Variants in CDYL2 observed in about 807,000 individuals in gnomAD.
CDYL2 encodes the protein chromodomain Y-like protein 2.
CDYL2 carries 23 observed loss-of-function variants against 49.4 expected under a neutral mutation model. That is an observed-to-expected ratio of 0.47 (90% confidence interval 0.34 to 0.66). CDYL2 has a LOEUF of 0.66. Among genes scored for constraint, CDYL2 ranks in the 30% least tolerant of loss-of-function variants. CDYL2 has a pLI of 0.01. For missense variants in CDYL2, 678 were observed against 656.4 expected (o/e 1.03, Z -0.36); for synonymous variants, 360 against 268.8 (o/e 1.34, Z -3.32).
At chr16:80,753,271 A>G (rs1906197429) in intron 1 of CDYL2, among the ~76,000 whole-genome samples, 1 of 152,088 alleles carries the variant, frequency 6.6e-6, no homozygotes, top group East Asian at 1.9e-4. Context: ...AAAAAAAAAA[A>G]AAAATTTAAT....
At chr16:80,605,259 A>G in intron 6 of CDYL2, among the ~76,000 whole-genome samples, 1 of 150,490 alleles carries the variant, frequency 6.6e-6, no homozygotes, top group East Asian at 1.9e-4. Flanking sequence ...GTATATACAC[A>G]TATTATGTAT....
intron 1 of CDYL2, among the ~76,000 whole-genome samples, chr16:80,729,892 T>C (rs1733299057): frequency 6.6e-6 from 1 of 152,142 alleles, no homozygotes; most frequent in Non-Finnish European, 1.5e-5. Context: ...AAAGATGTTC[T>C]TTGAAACCAA....
At chr16:80,759,578 G>A (rs958755311) in intron 1 of CDYL2, among the ~76,000 whole-genome samples, 8 of 152,264 alleles carry the variant, frequency 5.3e-5, no homozygotes, top group South Asian at 2.1e-4. Context: ...TGAGTGCATC[G>A]ATCAAATTGT....
intron 1 of CDYL2, among the ~76,000 whole-genome samples, chr16:80,700,807 T>G (rs1904296575): frequency 6.6e-6 from 1 of 152,386 alleles, no homozygotes; most frequent in South Asian, 2.1e-4. Flanking sequence ...GTTCACATCA[T>G]GCTAGCTTTC....
At chr16:80,638,260 G>A (rs1178686651) in intron 2 of CDYL2, among the ~76,000 whole-genome samples, 1 of 152,056 alleles carries the variant, frequency 6.6e-6, no homozygotes, top group Non-Finnish European at 1.5e-5. Flanking sequence ...TTTTCGCAGA[G>A]AACAGGGTCT....
At chr16:80,737,778 G>T (rs1905589083) in intron 1 of CDYL2, among the ~76,000 whole-genome samples, 1 of 152,200 alleles carries the variant, frequency 6.6e-6, no homozygotes. Flanking sequence ...CCCCAGGTCT[G>T]GGAACCACAC....
chr16:80,798,008 T>A lies in CDYL2; in HGVS notation c.24+6142A>T, dbSNP rs58417495. 2.8e-3 allele frequency among the ~76,000 whole-genome samples: 423 copies of A among 152,288 alleles called. 2 individuals are homozygous for A. Among genetic ancestry groups the A allele is most frequent in the African/African-American group, 9.4e-3 (391 of 41,556 alleles). ...TGAATTGTGCAGGGGTTTGTCTTGCTTTTTTGTTTTGTTGTTGTTGTTGTT... is the reference window on the plus strand; with the variant it reads ...TGAATTGTGCAGGGGTTTGTCTTGCATTTTTGTTTTGTTGTTGTTGTTGTT... On this transcript the variant is annotated intron_variant, in intron 1 of 6. Coordinates refer to ENST00000570137, the MANE Select transcript of CDYL2 (RefSeq NM_152342.4).
At chr16:80,799,848 A>G (rs1907873387) in intron 1 of CDYL2, among the ~76,000 whole-genome samples, 1 of 152,190 alleles carries the variant, frequency 6.6e-6, no homozygotes, top group African/African-American at 2.4e-5. Context: ...CCAAGAATCA[A>G]TCCAATCCAA....
intron 2 of CDYL2, among the ~76,000 whole-genome samples, chr16:80,637,173 G>C (rs1213853795): frequency 6.6e-6 from 1 of 151,664 alleles, no homozygotes; most frequent in South Asian, 2.1e-4. Context: ...TGCACGTTCT[G>C]TATATGTATA....
At chr16:80,756,160 T>A (rs1303884775) in intron 1 of CDYL2, among the ~76,000 whole-genome samples, 2 of 151,786 alleles carry the variant, frequency 1.3e-5, no homozygotes, top group East Asian at 3.8e-4. Context: ...ACTTGAGAAG[T>A]TAAAAAGAGA....
intron 1 of CDYL2, among the ~76,000 whole-genome samples, chr16:80,748,670 A>G (rs1906023989): frequency 6.6e-6 from 1 of 152,090 alleles, no homozygotes; most frequent in African/African-American, 2.4e-5. Flanking sequence ...TATTAGAAAA[A>G]CAACCCAATG....
intron 1 of CDYL2, among the ~76,000 whole-genome samples, chr16:80,803,393 C>G (rs1907985931): frequency 6.6e-6 from 1 of 152,150 alleles, no homozygotes; most frequent in African/African-American, 2.4e-5. Flanking sequence ...CCCAACACCT[C>G]AGACTTCCAC....
chr16:80,651,473 G>C (rs1163687606), intron 2 of CDYL2, among the ~76,000 whole-genome samples: 2 of 152,142 alleles, frequency 1.3e-5, no homozygotes, highest in African/African-American at 2.4e-5. Flanking sequence ...AGGCATAGGA[G>C]ACTTTTTAGG....
At chr16:80,648,050 C>T (rs768673048) in intron 2 of CDYL2, among the ~76,000 whole-genome samples, 2 of 151,144 alleles carry the variant, frequency 1.3e-5, no homozygotes, top group African/African-American at 2.4e-5. Flanking sequence ...AGTGCCTATA[C>T]CAAAAAAGAA....
In CDYL2 at chr16:80,604,326, G is replaced by A. The variant is rs1166537095; in HGVS notation, c.*62C>T. The A allele has an allele frequency of 6.3e-7, 1 of 1,582,932 alleles. No individual in the cohort carries two copies. The highest frequency in any genetic ancestry group is 8.7e-7 in the Non-Finnish European group (1 of 1,154,708). ...AAACTCCTTGGCCGGGGCAGACACT[G>A]TGCTCTGGTTTCCGAAACACAGGGC... On this transcript the variant is annotated 3_prime_UTR_variant, in exon 7 of 7. Transcript: ENST00000570137.
At chr16:80,659,468 T>C (rs1016987072) in intron 2 of CDYL2, among the ~76,000 whole-genome samples, 9 of 152,180 alleles carry the variant, frequency 5.9e-5, no homozygotes, top group African/African-American at 1.9e-4. Flanking sequence ...CTTAACTACA[T>C]TGTGTTTACT....
At position 80,612,567 on chromosome 16, in the gene CDYL2, A is replaced by AC; in HGVS notation, c.1218+58dup. ...TTCTAGCCCCATGAAGAGCCCCTAA[A>AC]CCCAAGGCAGAGGAAGGATCCTGCT... On this transcript the variant is annotated intron_variant, in intron 5 of 6. Coordinates refer to ENST00000570137, the MANE Select transcript of CDYL2 (RefSeq NM_152342.4). This position sits in a 1 kb window ranked among gnomAD's most constrained non-coding sequence, Gnocchi z 5.0. 2.6e-6 allele frequency: 4 copies of AC among 1,517,080 alleles called. No individual in the cohort carries two copies. The highest frequency in any genetic ancestry group is 3.6e-6 in the Non-Finnish European group (4 of 1,125,664). The allele number at this position is 1,517,080 out of a possible 1,614,324, so 94.0% of individuals were successfully genotyped here.
chr16:80,804,272 CGTGTGTGTGCGAGT>C lies in CDYL2; in HGVS notation c.-113_-100del, dbSNP rs1908030301. 9.1e-7 allele frequency: 1 copy of C among 1,096,494 alleles called. No individual in the cohort carries two copies. The highest frequency in any genetic ancestry group is 1.7e-5 in the South Asian group (1 of 57,550). The allele number at this position is 1,096,494 out of a possible 1,614,324, so 67.9% of individuals were successfully genotyped here. A position where few individuals can be genotyped will look rare whatever the true frequency, so the allele number is the denominator to read the frequency against. ...TCCGGTGTGCGCGTGTGTGTGCGCG[CGTGTGTGTGCGAGT>C]GTGTGTGGTGTGTTGAGTAAACTGT... On this transcript the variant is annotated 5_prime_UTR_variant, in exon 1 of 7. Transcript: ENST00000570137.
chr16:80,603,454 T>C lies in CDYL2; in HGVS notation c.*934A>G, dbSNP rs915565807. 6.6e-6 allele frequency: 1 copy of C among 152,226 alleles called. No homozygotes were observed. The highest frequency in any genetic ancestry group is 1.5e-5 in the Non-Finnish European group (1 of 68,040). The allele number at this position is 152,226 out of a possible 1,614,324, so 9.4% of individuals were successfully genotyped here. On this transcript the variant is annotated 3_prime_UTR_variant, in exon 7 of 7. Coordinates refer to ENST00000570137, the MANE Select transcript of CDYL2 (RefSeq NM_152342.4). The stretch of plus-strand genomic sequence containing the variant: ...CAAACCTAAGGAACTAGTATTCTAT[T>C]ATTACAGCTGAGAACCGTTTTACAC...
Sources: gnomAD v4.1 joint callset for allele counts (sites outside exome capture counted in the v4.1 genomes callset) on GRCh38, gnomAD v4.1.1 for gene constraint, Gnocchi (gnomAD v3.1) non-coding constraint, MANE v1.5 for transcripts, NCBI Gene and HGNC (gene_info 2026-07-23, HGNC 2026-07-21) for gene names.